Variants in CFAP20DC observed in about 807,000 individuals in gnomAD.
CFAP20DC encodes protein CFAP20DC.
In CFAP20DC, 84 loss-of-function variants were observed where a neutral mutation model predicts 101.7. The observed-to-expected ratio is 0.83, with a 90% CI of 0.69 to 0.99. The LOEUF is 0.99. CFAP20DC is among the 50% of genes least tolerant of loss of function. The pLI is 0.00. For synonymous variants in CFAP20DC, 359 were observed against 351.2 expected (o/e 1.02, Z -0.25); for missense variants, 1,007 against 970.3 (o/e 1.04, Z -0.50).
chr3:58,938,954 T>A (rs1474025960), intron 4 of CFAP20DC, among the ~76,000 whole-genome samples: 1 of 152,208 alleles, frequency 6.6e-6, no homozygotes, highest in Non-Finnish European at 1.5e-5. Context: ...TGCAGAAGTA[T>A]TAACACTATG....
chr3:58,891,824 C>T (rs2082283810), intron 6 of CFAP20DC, among the ~76,000 whole-genome samples: 3 of 152,150 alleles, frequency 2.0e-5, no homozygotes, highest in Admixed American at 1.3e-4. Flanking sequence ...GCCCATTTGT[C>T]TATTTTGAAA....
intron 7 of CFAP20DC, among the ~76,000 whole-genome samples, chr3:58,881,312 T>C (rs905911633): frequency 1.4e-4 from 21 of 152,256 alleles, no homozygotes; most frequent in African/African-American, 5.1e-4. Context: ...TTGTGCTTAG[T>C]GGACCACTGC....
intron 5 of CFAP20DC, among the ~76,000 whole-genome samples, chr3:58,933,933 G>C (rs1234560505): frequency 6.6e-6 from 1 of 151,888 alleles, no homozygotes; most frequent in Non-Finnish European, 1.5e-5. Context: ...GAGCAGAACT[G>C]AAGGAAATAG....
Position 58,745,471 on chromosome 3 carries a change from C to T in CFAP20DC, c.2333-2899G>A, listed in dbSNP as rs187354530. On this transcript the variant is annotated intron_variant, in intron 16 of 16. Coordinates refer to ENST00000482387, the MANE Select transcript of CFAP20DC (RefSeq NM_001394063.1). ...GCTCTAGAATCCAATACACTGGGGG[C>T]GAATGGAAGCTGGGCTGCTTACTGC... Among the ~76,000 whole-genome samples, 9 of 152,074 alleles carry T rather than the reference C, an allele frequency of 5.9e-5. 1 individual carries two copies. The highest frequency in any genetic ancestry group is 3.9e-4 in the East Asian group (2 of 5,160).
At chr3:58,919,955 G>A (rs114880443) in intron 5 of CFAP20DC, among the ~76,000 whole-genome samples, 2,139 of 150,632 alleles carry the variant, frequency 0.014, 52 homozygotes, top group African/African-American at 0.05. Context: ...TGCAAAGAAA[G>A]TTTTACATTT....
rs780592105 is a variant in CFAP20DC at position 59,002,954 on chromosome 3, T to C, written c.278+36603A>G. ...AAGGTCTTGGTTACTGACAGAGCTA[T>C]AATGCATCCAAGATTTCTGACTGAA... On this transcript the variant is annotated intron_variant, in intron 4 of 16. Coordinates refer to ENST00000482387, the MANE Select transcript of CFAP20DC (RefSeq NM_001394063.1). The surrounding 1 kb of genome is among the most constrained non-coding windows in gnomAD (Gnocchi z 4.5). Among the ~76,000 whole-genome samples, 2 of 152,178 alleles carry C rather than the reference T, an allele frequency of 1.3e-5. No homozygotes were observed. Among genetic ancestry groups the C allele is most frequent in the Non-Finnish European group, 2.9e-5 (2 of 68,018 alleles).
intron 4 of CFAP20DC, among the ~76,000 whole-genome samples, chr3:58,968,783 G>A (rs980715259): frequency 1.3e-5 from 2 of 151,944 alleles, no homozygotes; most frequent in Non-Finnish European, 2.9e-5. Flanking sequence ...ATCTTTGCCC[G>A]TTCCTATATC....
intron 16 of CFAP20DC, among the ~76,000 whole-genome samples, chr3:58,745,564 C>T (rs986405419): frequency 3.9e-5 from 6 of 152,152 alleles, no homozygotes; most frequent in African/African-American, 1.4e-4. Context: ...ATGGGAATAA[C>T]AATGCCTATT....
At chr3:58,935,902 C>G (rs1413392974) in intron 5 of CFAP20DC, among the ~76,000 whole-genome samples, 1 of 152,016 alleles carries the variant, frequency 6.6e-6, no homozygotes, top group Non-Finnish European at 1.5e-5. Flanking sequence ...GCAATGGCAA[C>G]AAAAGCCAAA....
At chr3:58,798,794 T>C (rs1284210787) in intron 15 of CFAP20DC, among the ~76,000 whole-genome samples, 5 of 152,188 alleles carry the variant, frequency 3.3e-5, no homozygotes, top group Non-Finnish European at 7.3e-5. Flanking sequence ...TCAGCAGCCA[T>C]CAACATCCAG....
At chr3:58,786,519 C>T (rs990466441) in intron 15 of CFAP20DC, among the ~76,000 whole-genome samples, 17 of 152,068 alleles carry the variant, frequency 1.1e-4, no homozygotes, top group African/African-American at 4.1e-4. Flanking sequence ...TTTGTGAAAT[C>T]TTGTGCTGTC....
intron 5 of CFAP20DC, among the ~76,000 whole-genome samples, chr3:58,935,022 C>T (rs1315422063): frequency 1.3e-5 from 2 of 152,118 alleles, no homozygotes; most frequent in South Asian, 4.1e-4. Flanking sequence ...ATCTAGAAAA[C>T]CCCATTGTCT....
Position 58,795,510 on chromosome 3 carries a change from G to A in CFAP20DC, c.2237+10885C>T, listed in dbSNP as rs1043090983. Among the ~76,000 whole-genome samples the A allele has an allele frequency of 2.6e-5, 4 of 152,156 alleles. No homozygotes were observed. Among genetic ancestry groups the A allele is most frequent in the African/African-American group, 9.7e-5 (4 of 41,440 alleles). On this transcript the variant is annotated intron_variant, in intron 15 of 16. Transcript: ENST00000482387. The surrounding 1 kb of genome is among the most constrained non-coding windows in gnomAD (Gnocchi z 4.2). ...CAGCTTGGCTTGTGCCTGTGGTCTC[G>A]GCTACATGGGAAGCTGGAGTGGGAG...
chr3:59,032,302 G>GT (rs111262793), intron 4 of CFAP20DC, among the ~76,000 whole-genome samples: 5 of 151,300 alleles, frequency 3.3e-5, no homozygotes, highest in East Asian at 1.9e-4. Context: ...AGCTGCAGGA[G>GT]TTTTTTTTTC....
chr3:58,804,564 T>C (rs2073926400), intron 15 of CFAP20DC, among the ~76,000 whole-genome samples: 1 of 152,144 alleles, frequency 6.6e-6, no homozygotes, highest in Non-Finnish European at 1.5e-5. Context: ...GGTTTCACCA[T>C]GTTGGCTAGT....
chr3:58,865,395 A>G (rs1263700158), intron 11 of CFAP20DC, among the ~76,000 whole-genome samples: 1 of 152,220 alleles, frequency 6.6e-6, no homozygotes, highest in Non-Finnish European at 1.5e-5. Flanking sequence ...ACCTGTAAAA[A>G]GGGTGATCAA....
At chr3:58,949,274 T>G (rs1053944769) in intron 4 of CFAP20DC, among the ~76,000 whole-genome samples, 2 of 152,208 alleles carry the variant, frequency 1.3e-5, no homozygotes, top group African/African-American at 4.8e-5. Context: ...TTTTTTTGTC[T>G]CTATTTCCTT....
chr3:58,854,955 G>A (rs1345347556), intron 12 of CFAP20DC, among the ~76,000 whole-genome samples: 1 of 145,260 alleles, frequency 6.9e-6, no homozygotes, highest in African/African-American at 2.6e-5. Context: ...AACACCAAAA[G>A]CAATGGCAAC....
rs373432212 is a variant in CFAP20DC at position 59,025,618 on chromosome 3, T to C, written c.278+13939A>G. ...CCATTGTACAGATGAGGCTTTGACA[T>C]ACAAAGGTGTTCAGAAACTTGTCCC... On this transcript the variant is annotated intron_variant, in intron 4 of 16. Coordinates refer to ENST00000482387, the MANE Select transcript of CFAP20DC (RefSeq NM_001394063.1). 6.2e-4 allele frequency among the ~76,000 whole-genome samples: 95 copies of C among 152,218 alleles called. 2 individuals carry two copies. In the East Asian group the frequency reaches 8.9e-3, roughly 14 times the overall value.
Sources: gnomAD v4.1 joint callset for allele counts (sites outside exome capture counted in the v4.1 genomes callset) on GRCh38, gnomAD v4.1.1 for gene constraint, Gnocchi (gnomAD v3.1) non-coding constraint, MANE v1.5 for transcripts, NCBI Gene and HGNC (gene_info 2026-07-23, HGNC 2026-07-21) for gene names.